SOX5: variants seen among roughly 807,000 people sequenced by gnomAD.
SOX5 encodes SRY-box transcription factor 5, also known as transcription factor SOX-5.
A neutral mutation model predicts 92.0 loss-of-function variants in SOX5; 9 were observed. That is an observed-to-expected ratio of 0.10 (90% CI 0.06 to 0.17). The LOEUF is 0.17. Among genes scored for constraint, SOX5 ranks in the 10% least tolerant of loss-of-function variants. The probability of loss-of-function intolerance (pLI) is 1.00; values close to 1 mark genes in which losing one functional copy is unlikely to be tolerated. For missense variants in SOX5, 642 were observed against 944.5 expected, an observed-to-expected ratio of 0.68 and a Z score of 4.20; for synonymous variants, 344 against 336.3, an observed-to-expected ratio of 1.02 and a Z score of -0.25.
chr12:24,529,778 A>G (rs1015572083), intron 1 of SOX5, among the ~76,000 whole-genome samples: 16 of 152,278 alleles, frequency 1.1e-4, no homozygotes, highest in Admixed American at 9.8e-4. Flanking sequence ...CCGGCACTTC[A>G]GGAGGCCGAG....
intron 3 of SOX5, among the ~76,000 whole-genome samples, chr12:23,823,349 G>T (rs919905761): frequency 6.6e-6 from 1 of 152,120 alleles, no homozygotes; most frequent in African/African-American, 2.4e-5. Context: ...GTCTGTAAAG[G>T]ATTTTATTTC....
intron 1 of SOX5, among the ~76,000 whole-genome samples, chr12:24,371,095 T>C (rs1956689812): frequency 6.6e-6 from 1 of 152,200 alleles, no homozygotes; most frequent in African/African-American, 2.4e-5. Flanking sequence ...ACCTAATCAA[T>C]TACGTATGTC....
At chr12:24,557,723 T>C (rs1449146082) in intron 1 of SOX5, among the ~76,000 whole-genome samples, 1 of 152,204 alleles carries the variant, frequency 6.6e-6, no homozygotes, top group Admixed American at 6.5e-5. Flanking sequence ...TTGAATGACA[T>C]GTAGCTGAGC....
intron 3 of SOX5, among the ~76,000 whole-genome samples, chr12:23,787,558 T>C (rs1360988133): frequency 1.3e-5 from 2 of 151,966 alleles, no homozygotes; most frequent in Non-Finnish European, 2.9e-5. Context: ...AATATATCAA[T>C]AGCAACTTCA....
rs951141183 is a variant in SOX5 at position 24,321,156 on chromosome 12, T to C, written c.-173-43844A>G. Among the ~76,000 whole-genome samples, 15 of 152,334 alleles carry C rather than the reference T, an allele frequency of 9.8e-5. No individual in the cohort carries two copies. In the East Asian group the frequency reaches 2.9e-3, roughly 29 times the overall value. On this transcript the variant is annotated intron_variant, in intron 2 of 4. Coordinates refer to the SOX5 transcript ENST00000446891. ...CTGGATTATCAGACAGGTTTATTCC[T>C]TGTAAAGCTGACTGATTCATCTATG...
At chr12:24,296,800 C>T (rs1394071283) in intron 2 of SOX5, among the ~76,000 whole-genome samples, 11 of 141,294 alleles carry the variant, frequency 7.8e-5, no homozygotes, top group South Asian at 4.7e-4. Flanking sequence ...AATCTGTAAT[C>T]GGCAGATACA....
chr12:24,428,768 C>CCTCATCATG (rs1967062377), intron 1 of SOX5, among the ~76,000 whole-genome samples: 1 of 93,548 alleles, frequency 1.1e-5, no homozygotes, highest in East Asian at 3.0e-4. Flanking sequence ...AAGCTAATTT[C>CCTCATCATG]CTCATCATGT....
chr12:23,682,770 T>C (rs890635737), intron 6 of SOX5, among the ~76,000 whole-genome samples: 1 of 151,770 alleles, frequency 6.6e-6, no homozygotes, highest in Admixed American at 6.6e-5. Context: ...TACATACATG[T>C]ATAAAAATGT....
intron 3 of SOX5, among the ~76,000 whole-genome samples, chr12:24,250,776 G>A (rs1056850268): frequency 3.3e-5 from 5 of 152,192 alleles, no homozygotes; most frequent in Non-Finnish European, 5.9e-5. Context: ...TTCCAGTTCA[G>A]AAGACAGATG....
intron 2 of SOX5, among the ~76,000 whole-genome samples, chr12:24,318,052 A>T (rs2140877237): frequency 6.6e-6 from 1 of 152,118 alleles, no homozygotes; most frequent in South Asian, 2.1e-4. Context: ...CTCTACTAAA[A>T]ATACAAAAAT....
In SOX5 at chr12:24,401,708, TA is replaced by T. The variant is rs71063321; in HGVS notation, c.-250-33070del. Among the ~76,000 whole-genome samples, 495 of 99,406 alleles carry T rather than the reference TA, an allele frequency of 5.0e-3. 2 individuals carry two copies. The highest frequency in any genetic ancestry group is 0.036 in the Middle Eastern group (6 of 168). The allele number at this position is 99,406 out of a possible 152,430, so 65.2% of individuals were successfully genotyped here. ...GGATGACAGAGCCAGACCCTATCTT[TA>T]AAAAAAAAAAAAAAAAAAAAAAAAA... On this transcript the variant is annotated intron_variant, in intron 1 of 4. Transcript: ENST00000446891.
chr12:24,421,839 T>C (rs551442274), intron 1 of SOX5, among the ~76,000 whole-genome samples: 3 of 152,338 alleles, frequency 2.0e-5, no homozygotes, highest in East Asian at 3.9e-4. Context: ...AAGAACAGAC[T>C]GATTCTAATG....
chr12:24,271,783 A>G (rs1011428059), intron 3 of SOX5, among the ~76,000 whole-genome samples: 1 of 152,188 alleles, frequency 6.6e-6, no homozygotes, highest in Admixed American at 6.5e-5. Flanking sequence ...CCATATTTGC[A>G]AGAGTCTGAC....
At chr12:24,532,120 T>C (rs988345625) in intron 1 of SOX5, among the ~76,000 whole-genome samples, 2 of 152,200 alleles carry the variant, frequency 1.3e-5, no homozygotes, top group African/African-American at 4.8e-5. Flanking sequence ...TTCCCTGCAG[T>C]GTAGAAAATA....
At chr12:24,405,002 T>C (rs1322391022) in intron 1 of SOX5, among the ~76,000 whole-genome samples, 2 of 152,008 alleles carry the variant, frequency 1.3e-5, no homozygotes, top group Non-Finnish European at 2.9e-5. Context: ...AAGACAGCCA[T>C]CTACAAGCCA....
chr12:23,721,573 T>C (rs1358614477), intron 6 of SOX5, among the ~76,000 whole-genome samples: 1 of 152,184 alleles, frequency 6.6e-6, no homozygotes, highest in Non-Finnish European at 1.5e-5. Context: ...TTATCTTAAC[T>C]GAGGACCTGT....
At chr12:24,432,557 G>C (rs909818745) in intron 1 of SOX5, among the ~76,000 whole-genome samples, 1 of 152,158 alleles carries the variant, frequency 6.6e-6, no homozygotes, top group Admixed American at 6.5e-5. Flanking sequence ...GCTCACACCT[G>C]TAATCCCAGC....
chr12:23,732,614 T>A (rs1383489585), intron 6 of SOX5, among the ~76,000 whole-genome samples: 1 of 152,194 alleles, frequency 6.6e-6, no homozygotes, highest in African/African-American at 2.4e-5. Context: ...AATATCTCAA[T>A]GTTTCCCTCA....
At chr12:24,252,689 T>TAAA (rs542347992) in intron 3 of SOX5, among the ~76,000 whole-genome samples, 1 of 136,848 alleles carries the variant, frequency 7.3e-6, no homozygotes, top group Non-Finnish European at 1.6e-5. Flanking sequence ...GTCTATGCTT[T>TAAA]AAAAAAAAAA....
Sources: allele counts gnomAD v4.1 joint callset (sites outside exome capture counted in the v4.1 genomes callset), GRCh38; gene constraint gnomAD v4.1.1; transcripts MANE v1.5; gene names NCBI Gene and HGNC (gene_info 2026-07-23, HGNC 2026-07-21).